The following TBCD variants were observed in gnomAD, a reference collection of about 807,000 sequenced individuals.
TBCD encodes tubulin-specific chaperone D.
Under a neutral mutation model 169.3 loss-of-function variants are expected in TBCD, and 105 were observed. The observed-to-expected ratio is 0.62, with a 90% CI of 0.53 to 0.73. The LOEUF (loss-of-function observed/expected upper bound fraction) is 0.73. Among genes scored for constraint, TBCD ranks in the 30% least tolerant of loss-of-function variants. The pLI, the probability that TBCD is intolerant of heterozygous loss-of-function variation, is 0.00. For missense variants in TBCD, 1,444 were observed against 1,600.1 expected, an observed-to-expected ratio of 0.90 and a Z score of 1.66; for synonymous variants, 700 against 643.9, an observed-to-expected ratio of 1.09 and a Z score of -1.32.
chr17:82,928,706 C>T (rs986882590), intron 30 of TBCD, among the ~76,000 whole-genome samples: 1 of 151,956 alleles, frequency 6.6e-6, no homozygotes, highest in Non-Finnish European at 1.5e-5. Context: ...TTTCTCTTTC[C>T]CCCTCCCCAT....
Position 82,889,677 on chromosome 17 carries a change from C to G in TBCD, c.1543C>G (p.Gln515Glu), listed in dbSNP as rs1386128925. 1 of 1,613,802 alleles carries G rather than the reference C, an allele frequency of 6.2e-7. No homozygotes were observed. The highest frequency in any genetic ancestry group is 8.5e-7 in the Non-Finnish European group (1 of 1,179,828). The change falls in exon 16 of 39, where the codon CAG (glutamine) becomes GAG (glutamate). Residue 515 changes from glutamine (Q) to glutamate (E), a missense_variant. Transcript: ENST00000355528. The surrounding 1 kb of genome is among the most constrained non-coding windows in gnomAD (Gnocchi z 5.3). ...GTTCTTTGCTCCGCAGGCCGCCTTC[C>G]AGGAGAATGTGGGGAGACAGGTATG... Reference protein sequence around the residue: ...NCRRAASAAFQENVGRQGTFP... With the variant: ...NCRRAASAAFEENVGRQGTFP...
Position 82,939,447 on chromosome 17 carries a change from G to A in TBCD, c.3450G>A (p.Glu1150=). 1 of 1,613,616 alleles carries A rather than the reference G, an allele frequency of 6.2e-7. No individual in the cohort carries two copies. The highest frequency in any genetic ancestry group is 2.2e-5 in the East Asian group (1 of 44,884). ...SDVVGADVLD[E]VVTVLSDTAW... is the part of the protein sequence containing the mutation. ...TCGTGGGCGCGGATGTGCTGGACGA[G>A]GTGGTGACTGTGCTCAGTGACACTG... The change falls in exon 37 of 39, where the codon GAG becomes GAA. Residue 1150 remains glutamate (E), a synonymous_variant. Coordinates refer to ENST00000355528, the MANE Select transcript of TBCD (RefSeq NM_005993.5).
rs769521593 is a variant in TBCD at position 82,927,241 on chromosome 17, G to A, written c.2527G>A (p.Glu843Lys). ...AGAPDEAVCG[E>K]NVSQIYCALL... ...AGCCCCAGACGAAGCTGTGTGCGGA[G>A]AGAATGTTTCCCAGATTTACTGTGC... Residue 843 changes from glutamate to lysine, a missense_variant, in exon 29 of 39, where the codon GAG (glutamate) becomes AAG (lysine). Transcript: ENST00000355528. The A allele has an allele frequency of 2.5e-6, 4 of 1,613,934 alleles. No individual in the cohort carries two copies. The highest frequency in any genetic ancestry group is 3.4e-6 in the Non-Finnish European group (4 of 1,179,818).
intron 13 of TBCD, among the ~76,000 whole-genome samples, chr17:82,866,026 G>A (rs1048652408): frequency 1.6e-4 from 24 of 152,214 alleles, no homozygotes; most frequent in African/African-American, 4.8e-4. Flanking sequence ...AAAGGTTTTT[G>A]TTCAGAGCTA....
intron 8 of TBCD, among the ~76,000 whole-genome samples, chr17:82,800,240 G>T (rs753963326): frequency 4.6e-5 from 7 of 152,150 alleles, no homozygotes; most frequent in Non-Finnish European, 7.4e-5. Context: ...CCTGGCCTCA[G>T]CTTGCCCTCG....
chr17:82,805,904 C>CA lies in TBCD; in HGVS notation c.983dup (p.Asn328LysfsTer11). 2 of 1,611,266 alleles carry CA rather than the reference C, an allele frequency of 1.2e-6. No homozygotes were observed. The highest frequency in any genetic ancestry group is 1.7e-6 in the Non-Finnish European group (2 of 1,177,628). On this transcript the variant is annotated frameshift_variant, in exon 10 of 39. Transcript: ENST00000355528. LOFTEE classifies it high-confidence loss of function. ...CAGCGTGGCTGCCGATCTTTGGCTG[C>CA]AAATCTGCAGCTCCTCACTCAGGGT...
At chr17:82,847,715 G>A (rs1029450324) in intron 13 of TBCD, among the ~76,000 whole-genome samples, 3 of 152,106 alleles carry the variant, frequency 2.0e-5, no homozygotes, top group African/African-American at 7.2e-5. Context: ...TCCGCCTCCC[G>A]AGTTCAAGTC....
chr17:82,871,210 T>C (rs537256697), intron 14 of TBCD, among the ~76,000 whole-genome samples: 1 of 116,048 alleles, frequency 8.6e-6, no homozygotes, highest in South Asian at 3.5e-4. Flanking sequence ...GATCTGATAC[T>C]TTTTGCTTAG....
intron 14 of TBCD, among the ~76,000 whole-genome samples, chr17:82,878,816 T>C (rs2058153268): frequency 6.6e-6 from 1 of 152,220 alleles, no homozygotes; most frequent in African/African-American, 2.4e-5. Context: ...CACCCCGACG[T>C]TCAGTGATTG....
intron 6 of TBCD, among the ~76,000 whole-genome samples, chr17:82,773,196 T>C (rs972958425): frequency 4.6e-5 from 7 of 152,204 alleles, no homozygotes; most frequent in African/African-American, 1.7e-4. Flanking sequence ...TGGTTGTGGT[T>C]GGGAATACGG....
chr17:82,909,259 A>G, intron 21 of TBCD, 26 bp from the exon 22 acceptor site: 2 of 1,480,020 alleles, frequency 1.4e-6, no homozygotes, highest in South Asian at 1.3e-5. Context: ...TAAATCATTA[A>G]ATAACTTTCA....
At chr17:82,758,951 T>C (rs895453021) in intron 2 of TBCD, among the ~76,000 whole-genome samples, 1 of 152,092 alleles carries the variant, frequency 6.6e-6, no homozygotes, top group African/African-American at 2.4e-5. Context: ...TGTGAGCCAT[T>C]GTGCCCGGCC....
chr17:82,930,227 CGT>C lies in TBCD; in HGVS notation c.2992-293_2992-292del, dbSNP rs1853670741. 4 of 421,910 alleles carry C rather than the reference CGT, an allele frequency of 9.5e-6. No individual in the cohort carries two copies. Among genetic ancestry groups the C allele is most frequent in the Middle Eastern group, 1.3e-3 (2 of 1,536 alleles). 26.1% of individuals were successfully genotyped at this position (421,910 alleles called of 1,614,324 possible). A position where few individuals can be genotyped will look rare whatever the true frequency, so the allele number is the denominator to read the frequency against. ...TATCAAATCCCGCTTCAGTGGGAAA[CGT>C]GAGCGAAACCCAAGGTGAGTGGCCG... On this transcript the variant is annotated intron_variant, in intron 32 of 38. Coordinates refer to ENST00000355528, the MANE Select transcript of TBCD (RefSeq NM_005993.5). This position sits in a 1 kb window ranked among gnomAD's most constrained non-coding sequence, Gnocchi z 5.2.
intron 27 of TBCD, among the ~76,000 whole-genome samples, 175 bp from the exon 28 acceptor site, chr17:82,926,225 C>T (rs901880992): frequency 4.0e-5 from 6 of 150,118 alleles, no homozygotes; most frequent in Admixed American, 6.6e-5. Flanking sequence ...GACCTCTCCC[C>T]GGGTGTCCTT....
Position 82,899,248 on chromosome 17 carries a change from ACGTGTCCTCAGCGTG to A in TBCD, c.1650-1389_1650-1375del, listed in dbSNP as rs1442075717. Among the ~76,000 whole-genome samples, 603 of 137,666 alleles carry A rather than the reference ACGTGTCCTCAGCGTG, an allele frequency of 4.4e-3. 1 individual carries two copies. The highest frequency in any genetic ancestry group is 0.016 in the African/African-American group (565 of 34,774). 90.3% of individuals were successfully genotyped at this position (137,666 alleles called of 152,430 possible). ...TGTCCTCAGCGCATGTCCTCAGCGC[ACGTGTCCTCAGCGTG>A]CGTGTCCTCAGCGCGTGTGTCCTCA... is the stretch of plus-strand genomic sequence containing the variant. On this transcript the variant is annotated intron_variant, in intron 17 of 38. Transcript: ENST00000355528.
intron 23 of TBCD, chr17:82,918,521 C>G (rs1233321015): frequency 6.6e-6 from 1 of 152,184 alleles, no homozygotes; most frequent in African/African-American, 2.4e-5. Flanking sequence ...AGAGTGTGTT[C>G]GACCAGCACT....
intron 7 of TBCD, among the ~76,000 whole-genome samples, chr17:82,783,305 G>A (rs1289181370): frequency 2.0e-5 from 3 of 152,196 alleles, no homozygotes; most frequent in South Asian, 2.1e-4. Flanking sequence ...GGTGATGTCT[G>A]TTTTCTTCAG....
intron 13 of TBCD, among the ~76,000 whole-genome samples, chr17:82,825,936 G>T (rs1209006638): frequency 6.6e-6 from 1 of 152,184 alleles, no homozygotes; most frequent in Non-Finnish European, 1.5e-5. Context: ...ACTGCACTCC[G>T]GCCTGGGCCA....
chr17:82,916,812 A>G (rs1256929444), intron 23 of TBCD, among the ~76,000 whole-genome samples: 2 of 152,080 alleles, frequency 1.3e-5, no homozygotes, highest in Non-Finnish European at 2.9e-5. Flanking sequence ...TACTTGTTCC[A>G]TAATCTGTAT....
Sources: allele counts gnomAD v4.1 joint callset (sites outside exome capture counted in the v4.1 genomes callset), GRCh38; gene constraint gnomAD v4.1.1; non-coding constraint Gnocchi (gnomAD v3.1); transcripts MANE v1.5; gene names NCBI Gene and HGNC (gene_info 2026-07-23, HGNC 2026-07-21).